ZKSCAN1: variants seen among roughly 807,000 people sequenced by gnomAD.
ZKSCAN1 encodes zinc finger with KRAB and SCAN domains 1.
ZKSCAN1 carries 14 observed loss-of-function variants against 51.6 expected under a neutral mutation model. That is an observed-to-expected ratio of 0.27 (90% CI 0.18 to 0.42). The LOEUF (loss-of-function observed/expected upper bound fraction) is 0.42, where lower values mean the gene tolerates loss of function less well. Among genes scored for constraint, ZKSCAN1 ranks in the 10% least tolerant of loss-of-function variants. ZKSCAN1 has a pLI of 1.00. For synonymous variants in ZKSCAN1, 263 were observed against 261.5 expected, an observed-to-expected ratio of 1.01 and a Z score of -0.06; for missense variants, 531 against 710.0, an observed-to-expected ratio of 0.75 and a Z score of 2.86.
At position 100,033,688 on chromosome 7, in the gene ZKSCAN1, C is replaced by A; in HGVS notation, c.1183C>A (p.His395Asn). 1 of 1,614,184 alleles carries A rather than the reference C, an allele frequency of 6.2e-7. No homozygotes were observed. Among genetic ancestry groups the A allele is most frequent in the Non-Finnish European group, 8.5e-7 (1 of 1,180,036 alleles). Residue 395 changes from histidine (H) to asparagine (N), a missense_variant, in exon 6 of 6, where the codon CAT becomes AAT. By Grantham distance (68) the His-to-Asn change is moderately conservative (BLOSUM62 1). This residue lies in a region of ZKSCAN1 where 128 missense variants were observed against 219.5 expected (regional missense o/e 0.58). Coordinates refer to ENST00000324306, the MANE Select transcript of ZKSCAN1 (RefSeq NM_003439.4). The surrounding 1 kb of genome is among the most constrained non-coding windows in gnomAD (Gnocchi z 4.1). Reference protein sequence around the residue: ...CFTRSSSLIRHKIIHTGEKPY... With the variant: ...CFTRSSSLIRNKIIHTGEKPY... ...CACGAGAAGTTCAAGCCTTATCCGC[C>A]ATAAAATAATCCACACTGGAGAAAA...
chr7:100,019,738 G>C (rs1336342090), intron 1 of ZKSCAN1, among the ~76,000 whole-genome samples: 1 of 151,654 alleles, frequency 6.6e-6, no homozygotes, highest in Non-Finnish European at 1.5e-5. Context: ...GTCTCACTCT[G>C]TTGCCCAGAC....
Position 100,038,087 on chromosome 7 carries a change from T to TGG in ZKSCAN1, c.*3893_*3894dup. The TGG allele has an allele frequency of 2.0e-6, 2 of 985,102 alleles. No individual in the cohort carries two copies. Among genetic ancestry groups the TGG allele is most frequent in the Non-Finnish European group, 2.4e-6 (2 of 829,868 alleles). The allele number at this position is 985,102 out of a possible 1,614,324, so 61.0% of individuals were successfully genotyped here. ...GAGGATCTACAGATGAAAAAAAATG[T>TGG]GGGGAAATGCTTTAAAAAAATAGCA... On this transcript the variant is annotated 3_prime_UTR_variant, in exon 6 of 6. Coordinates refer to ENST00000324306, the MANE Select transcript of ZKSCAN1 (RefSeq NM_003439.4).
chr7:100,035,124 C>T lies in ZKSCAN1; in HGVS notation c.*927C>T, dbSNP rs1287719767. ...GCTGGACATAGTGAGTACTGAACACCTAAGAGGCACTCATTCAGACTGACT... is the reference window on the plus strand; with the variant it reads ...GCTGGACATAGTGAGTACTGAACACTTAAGAGGCACTCATTCAGACTGACT... On this transcript the variant is annotated 3_prime_UTR_variant, in exon 6 of 6. Coordinates refer to ENST00000324306, the MANE Select transcript of ZKSCAN1 (RefSeq NM_003439.4). The T allele has an allele frequency of 6.6e-6, 1 of 152,574 alleles. No individual in the cohort carries two copies. The highest frequency in any genetic ancestry group is 2.4e-5 in the African/African-American group (1 of 41,418). The allele number at this position is 152,574 out of a possible 1,614,324, so 9.5% of individuals were successfully genotyped here. A position where few individuals can be genotyped will look rare whatever the true frequency, so the allele number is the denominator to read the frequency against.
In ZKSCAN1 at chr7:100,033,563, G is replaced by C; in HGVS notation, c.1058G>C (p.Gly353Ala). ...AGAGGTCCAAGGGAGAAGGGGAAAG[G>C]ATTGGGAAGAAGCTTCAGTCTGAGC... Reference protein sequence around the residue: ...GERGPREKGKGLGRSFSLSSN... With the variant: ...GERGPREKGKALGRSFSLSSN... Residue 353 changes from glycine (G) to alanine (A), a missense_variant, in exon 6 of 6, where the codon GGA becomes GCA. This residue lies in a region of ZKSCAN1 where 403 missense variants were observed against 490.5 expected (regional missense o/e 0.82). Transcript: ENST00000324306. The surrounding 1 kb of genome is among the most constrained non-coding windows in gnomAD (Gnocchi z 4.1). 1.2e-6 allele frequency: 2 copies of C among 1,614,164 alleles called. No homozygotes were observed. Among genetic ancestry groups the C allele is most frequent in the Non-Finnish European group, 1.7e-6 (2 of 1,180,022 alleles).
In ZKSCAN1 at chr7:100,038,393, T is replaced by G; in HGVS notation, c.*4196T>G. The G allele has an allele frequency of 1.0e-5, 10 of 985,448 alleles. No homozygotes were observed. Among genetic ancestry groups the G allele is most frequent in the Non-Finnish European group, 1.2e-5 (10 of 829,932 alleles). 61.0% of individuals were successfully genotyped at this position (985,448 alleles called of 1,614,324 possible). ...AGAGGAAGGGAAAAGCTTCATAGTT[T>G]GGTGCTTATCACATCAAGAGATTGG... On this transcript the variant is annotated 3_prime_UTR_variant, in exon 6 of 6. Transcript: ENST00000324306.
chr7:100,043,134 A>G (rs1242277143), downstream of ZKSCAN1, among the ~76,000 whole-genome samples: 2 of 148,752 alleles, frequency 1.3e-5, no homozygotes, highest in African/African-American at 2.5e-5. Flanking sequence ...CAGTCTGGCT[A>G]TTTCCCAAGC....
At position 100,040,179 on chromosome 7, in the gene ZKSCAN1, C is replaced by T. The variant is rs1562835536; in HGVS notation, c.*5982C>T. Reference sequence around the variant, plus strand: ...TTTGGGAAATACTTTTGACATCCCACAATACAGAATGTCTTAACATGAGAA... The same window carrying T: ...TTTGGGAAATACTTTTGACATCCCATAATACAGAATGTCTTAACATGAGAA... On this transcript the variant is annotated 3_prime_UTR_variant, in exon 6 of 6. Transcript: ENST00000324306. 6.1e-6 allele frequency: 6 copies of T among 985,288 alleles called. No homozygotes were observed. Among genetic ancestry groups the T allele is most frequent in the Non-Finnish European group, 7.2e-6 (6 of 829,916 alleles). The allele number at this position is 985,288 out of a possible 1,614,324, so 61.0% of individuals were successfully genotyped here. A position where few individuals can be genotyped will look rare whatever the true frequency, so the allele number is the denominator to read the frequency against.
chr7:100,036,216 T>A lies in ZKSCAN1; in HGVS notation c.*2019T>A. The A allele has an allele frequency of 1.0e-6, 1 of 985,412 alleles. No homozygotes were observed. Among genetic ancestry groups the A allele is most frequent in the Non-Finnish European group, 1.2e-6 (1 of 829,936 alleles). The allele number at this position is 985,412 out of a possible 1,614,324, so 61.0% of individuals were successfully genotyped here. On this transcript the variant is annotated 3_prime_UTR_variant, in exon 6 of 6. Coordinates refer to ENST00000324306, the MANE Select transcript of ZKSCAN1 (RefSeq NM_003439.4). The stretch of plus-strand genomic sequence containing the variant: ...TAGCTTCTAAGCAGTTTCATCAGCA[T>A]TACTTGGGAAAACGTGTTGCAAGTC...
intron 3 of ZKSCAN1, among the ~76,000 whole-genome samples, chr7:100,029,254 T>G (rs937731427): frequency 6.6e-6 from 1 of 152,108 alleles, no homozygotes; most frequent in East Asian, 1.9e-4. Context: ...CTAAAGTGTT[T>G]TTTTTGTTGT....
Position 100,033,235 on chromosome 7 carries a change from A to G in ZKSCAN1, c.800-70A>G. On this transcript the variant is annotated intron_variant, in intron 5 of 5. Transcript: ENST00000324306. The surrounding 1 kb of genome is among the most constrained non-coding windows in gnomAD (Gnocchi z 4.1). ...CAGCCGTGTAGAAGCTTCTCGGGAA[A>G]CTGTCGCTTGACCCACCTGTATATT... 1.3e-6 allele frequency: 2 copies of G among 1,490,444 alleles called. No homozygotes were observed. The highest frequency in any genetic ancestry group is 1.8e-6 in the Non-Finnish European group (2 of 1,126,592). 92.3% of individuals were successfully genotyped at this position (1,490,444 alleles called of 1,614,324 possible). A position where few individuals can be genotyped will look rare whatever the true frequency, so the allele number is the denominator to read the frequency against.
Position 100,041,644 on chromosome 7 carries a change from T to A in ZKSCAN1, c.*7447T>A, listed in dbSNP as rs948576183. 3 of 985,304 alleles carry A rather than the reference T, an allele frequency of 3.0e-6. No individual in the cohort carries two copies. The African/African-American group carries it at 5.2e-5, about 17-fold the overall frequency. The allele number at this position is 985,304 out of a possible 1,614,324, so 61.0% of individuals were successfully genotyped here. On this transcript the variant is annotated 3_prime_UTR_variant, in exon 6 of 6. Transcript: ENST00000324306. ...TGAAATATTCTCTTTATGTTGTTTC[T>A]CTTCTGAGTCATGGTAAAACAATAA...
downstream of ZKSCAN1, among the ~76,000 whole-genome samples, chr7:100,042,362 T>G (rs1791621445): frequency 2.0e-5 from 3 of 151,112 alleles, 1 homozygote; most frequent in Admixed American, 6.6e-5. Context: ...GATGTGAGGT[T>G]GTGTCCAGGA....
In ZKSCAN1 at chr7:100,027,985, C is replaced by T. The variant is rs80245503; in HGVS notation, c.581-1876C>T. 6.2e-3 allele frequency among the ~76,000 whole-genome samples: 945 copies of T among 152,138 alleles called. 11 individuals carry two copies. Among genetic ancestry groups the T allele is most frequent in the African/African-American group, 0.022 (895 of 41,520 alleles). On this transcript the variant is annotated intron_variant, in intron 3 of 5. Transcript: ENST00000324306. ...TAAATAGTTCTTAAATAAATTGAGACATGTACATTTATTCTCAATTTCCTC... is the reference window on the plus strand; with the variant it reads ...TAAATAGTTCTTAAATAAATTGAGATATGTACATTTATTCTCAATTTCCTC...
chr7:100,041,807 C>T (rs910839100), downstream of ZKSCAN1: 20 of 932,470 alleles, frequency 2.1e-5, no homozygotes, highest in African/African-American at 3.6e-5. Context: ...CTGCAACCCA[C>T]AAACAAAATT....
intron 3 of ZKSCAN1, chr7:100,024,794 G>A (rs920081483): frequency 6.5e-6 from 1 of 154,106 alleles, no homozygotes; most frequent in African/African-American, 2.4e-5. Context: ...CAGCTACTCG[G>A]GAGGCTGAGG....
chr7:100,034,475 C>T lies in ZKSCAN1; in HGVS notation c.*278C>T, dbSNP rs964996046. 1 of 1,155,510 alleles carries T rather than the reference C, an allele frequency of 8.7e-7. No individual in the cohort carries two copies. Among genetic ancestry groups the T allele is most frequent in the African/African-American group, 1.6e-5 (1 of 62,880 alleles). The allele number at this position is 1,155,510 out of a possible 1,614,324, so 71.6% of individuals were successfully genotyped here. A position where few individuals can be genotyped will look rare whatever the true frequency, so the allele number is the denominator to read the frequency against. On this transcript the variant is annotated 3_prime_UTR_variant, in exon 6 of 6. Coordinates refer to ENST00000324306, the MANE Select transcript of ZKSCAN1 (RefSeq NM_003439.4). ...AGCACACGCATAGTGAAATGTCAGT[C>T]TTTTCAGTAATGAGGATACCTTTAA... is the stretch of plus-strand genomic sequence containing the variant.
At position 100,040,528 on chromosome 7, in the gene ZKSCAN1, T is replaced by G; in HGVS notation, c.*6331T>G. 1.0e-6 allele frequency: 1 copy of G among 985,414 alleles called. No individual in the cohort carries two copies. Among genetic ancestry groups the G allele is most frequent in the Non-Finnish European group, 1.2e-6 (1 of 829,950 alleles). 61.0% of individuals were successfully genotyped at this position (985,414 alleles called of 1,614,324 possible). ...GAAAGGTGATATTTAAAAACTTGGA[T>G]TTCATTCCAGTGTCAGGTTTGGGTT... On this transcript the variant is annotated 3_prime_UTR_variant, in exon 6 of 6. Transcript: ENST00000324306.
chr7:100,031,600 T>G (rs1791109277), intron 5 of ZKSCAN1, among the ~76,000 whole-genome samples: 1 of 152,178 alleles, frequency 6.6e-6, no homozygotes, highest in South Asian at 2.1e-4. Context: ...GTTTTCTGTT[T>G]CTTTTTTGTT....
downstream of ZKSCAN1, chr7:100,044,752 C>CT (rs2116017972): frequency 4.1e-6 from 4 of 971,672 alleles, no homozygotes; most frequent in African/African-American, 1.8e-5. Flanking sequence ...CACCATTCCA[C>CT]TTTCATTCTC....
Sources: allele counts gnomAD v4.1 joint callset (sites outside exome capture counted in the v4.1 genomes callset), GRCh38; gene constraint gnomAD v4.1.1; regional missense constraint gnomAD v4.1.1; non-coding constraint Gnocchi (gnomAD v3.1); transcripts MANE v1.5; gene names NCBI Gene and HGNC (gene_info 2026-07-23, HGNC 2026-07-21).